Variants in TENM1 observed in about 807,000 individuals in gnomAD.
The protein encoded by TENM1 is teneurin-1.
Under a neutral mutation model 174.8 loss-of-function variants are expected in TENM1, and 35 were observed. The ratio of observed to expected loss-of-function variants is 0.20; its 90% CI spans 0.15 to 0.27. The LOEUF (loss-of-function observed/expected upper bound fraction) is 0.27. TENM1 is among the 10% of genes least tolerant of loss of function. The probability of loss-of-function intolerance (pLI) is 1.00; values close to 1 mark genes in which losing one functional copy is unlikely to be tolerated. For synonymous variants in TENM1, 781 were observed against 798.7 expected, an observed-to-expected ratio of 0.98 and a Z score of 0.37; for missense variants, 1,633 against 2,130.1, an observed-to-expected ratio of 0.77 and a Z score of 4.59.
chrX:124,507,427 T>C (rs780792037), intron 18 of TENM1, among the ~76,000 whole-genome samples: 7 of 111,585 alleles, frequency 6.3e-5, no homozygotes, highest in Non-Finnish European at 9.4e-5. Flanking sequence ...GAGTCACTAA[T>C]TGTCTAGATA....
intron 3 of TENM1, among the ~76,000 whole-genome samples, chrX:124,853,366 G>A (rs2056758445): frequency 9.0e-6 from 1 of 111,123 alleles, no homozygotes; most frequent in South Asian, 3.8e-4. Flanking sequence ...AAATGAGGAA[G>A]TATTTATGAG....
chrX:124,857,948 T>C (rs5956706), intron 3 of TENM1, among the ~76,000 whole-genome samples: 7,283 of 111,042 alleles, frequency 0.066, 552 homozygotes, highest in African/African-American at 0.22. Flanking sequence ...AAAATTCAAA[T>C]ATTACATTCT....
intron 3 of TENM1, among the ~76,000 whole-genome samples, chrX:124,849,855 A>C (rs1280745925): frequency 8.9e-6 from 1 of 112,204 alleles, no homozygotes; most frequent in African/African-American, 3.2e-5. Context: ...AAGAGAAAGC[A>C]CTCAATCAGC....
chrX:124,381,096 T>C (rs1199389010), exon 32 of TENM1: 1 of 1,209,966 alleles, frequency 8.3e-7, no homozygotes, highest in Non-Finnish European at 1.1e-6. Flanking sequence ...GCTACTCCTA[T>C]AATATCAGCT....
the TENM1 span, among the ~76,000 whole-genome samples, chrX:125,053,475 T>C: frequency 2.7e-5 from 3 of 112,253 alleles, no homozygotes; most frequent in Admixed American, 1.9e-4. Context: ...TTAGTGATTT[T>C]CAAAGTATTT....
chrX:124,992,074 A>G, the TENM1 span, among the ~76,000 whole-genome samples: 1 of 111,208 alleles, frequency 9.0e-6, no homozygotes, highest in Admixed American at 9.6e-5. Flanking sequence ...CTCCTGACAG[A>G]GCTAGACCTG....
intron 22 of TENM1, among the ~76,000 whole-genome samples, chrX:124,455,000 A>T (rs1443801185): frequency 8.9e-6 from 1 of 112,064 alleles, no homozygotes; most frequent in Admixed American, 9.5e-5. Context: ...ATGTGAACTC[A>T]TCTAGAGTCA....
the TENM1 span, among the ~76,000 whole-genome samples, chrX:125,042,029 T>C: frequency 3.6e-5 from 4 of 111,863 alleles, no homozygotes; most frequent in Admixed American, 2.9e-4. Flanking sequence ...GAATATAGTA[T>C]TCATTGTACT....
chrX:125,097,245 C>CT, the TENM1 span, among the ~76,000 whole-genome samples: 222 of 110,157 alleles, frequency 2.0e-3, 1 homozygote, highest in African/African-American at 6.2e-3. Context: ...TTTTCTGCTC[C>CT]TTTTTTTTTA....
intron 11 of TENM1, among the ~76,000 whole-genome samples, chrX:124,621,221 T>A (rs1475698305): frequency 8.9e-6 from 1 of 111,907 alleles, no homozygotes; most frequent in East Asian, 2.8e-4. Context: ...ATGCCTGTAA[T>A]CCAAGCACTT....
rs73558372 is a variant in TENM1 at position 124,643,701 on chromosome X, T to C, written c.1876+1442A>G. On this transcript the variant is annotated intron_variant, in intron 10 of 31. Transcript: ENST00000422452. ...CTTTTTTTCTATTGCATTGGAAAAA[T>C]TTATACCATTAAATGTACTGAGCAT... Among the ~76,000 whole-genome samples the C allele has an allele frequency of 7.0e-3, 775 of 110,853 alleles. 9 individuals are homozygous for C. The highest frequency in any genetic ancestry group is 0.023 in the African/African-American group (716 of 30,501).
At chrX:124,761,780 C>G (rs2054423651) in intron 3 of TENM1, among the ~76,000 whole-genome samples, 1 of 111,222 alleles carries the variant, frequency 9.0e-6, no homozygotes, top group Non-Finnish European at 1.9e-5. Context: ...GAGATCTTTC[C>G]ACGTATGTAC....
At chrX:124,660,291 C>T (rs1189259939) in intron 6 of TENM1, among the ~76,000 whole-genome samples, 1 of 107,477 alleles carries the variant, frequency 9.3e-6, no homozygotes, top group Non-Finnish European at 1.9e-5. Context: ...AGGAGAATGG[C>T]GTGAACCCGG....
At chrX:125,135,160 A>T in the TENM1 span, among the ~76,000 whole-genome samples, 1 of 97,473 alleles carries the variant, frequency 1.0e-5, no homozygotes, top group African/African-American at 4.2e-5. Context: ...CAATGGTTGC[A>T]AAATGTTTTT....
At chrX:124,381,595 C>G (rs1292905136) in intron 31 of TENM1, among the ~76,000 whole-genome samples, 1 of 111,462 alleles carries the variant, frequency 9.0e-6, no homozygotes, top group Non-Finnish European at 1.9e-5. Context: ...TCCCAAAACA[C>G]AGACATTTTA....
intron 4 of TENM1, among the ~76,000 whole-genome samples, chrX:124,718,675 G>A (rs901072411): frequency 9.0e-6 from 1 of 111,498 alleles, no homozygotes. Context: ...CTCTAACAAA[G>A]GCCTTGGAAG....
rs903682228 is a variant in TENM1 at position 124,738,918 on chromosome X, C to G, written c.536-1721G>C. Reference sequence around the variant, plus strand: ...ACATCTCTTGACTCTCTGGCTAATGCTCCATTCCCTGTATTGCAGATCTCT... The same window carrying G: ...ACATCTCTTGACTCTCTGGCTAATGGTCCATTCCCTGTATTGCAGATCTCT... On this transcript the variant is annotated intron_variant, in intron 3 of 31. Coordinates refer to ENST00000422452, the Ensembl canonical transcript of TENM1. 3.6e-5 allele frequency among the ~76,000 whole-genome samples: 4 copies of G among 112,517 alleles called. No homozygotes were observed. In the South Asian group the frequency reaches 1.5e-3, roughly 42 times the overall value.
the TENM1 span, among the ~76,000 whole-genome samples, chrX:124,986,118 A>C: frequency 8.9e-6 from 1 of 111,846 alleles, no homozygotes; most frequent in Non-Finnish European, 1.9e-5. Context: ...TATCTTAAGA[A>C]ATTATTTCAT....
intron 23 of TENM1, among the ~76,000 whole-genome samples, chrX:124,429,662 G>T (rs1260857100): frequency 1.8e-5 from 2 of 111,626 alleles, no homozygotes; most frequent in Admixed American, 1.9e-4. Context: ...TGCTGTCTGG[G>T]ATTTCTTAGG....
Sources: gnomAD v4.1 joint callset for allele counts (sites outside exome capture counted in the v4.1 genomes callset) on GRCh38, gnomAD v4.1.1 for gene constraint, MANE v1.5 for transcripts, NCBI Gene and HGNC (gene_info 2026-07-23, HGNC 2026-07-21) for gene names.